Variants in PHB2 observed in about 807,000 individuals in gnomAD.
The protein encoded by PHB2 is prohibitin-2.
Under a neutral mutation model 46.4 loss-of-function variants are expected in PHB2, and 22 were observed. That is an observed-to-expected ratio of 0.47 (90% CI 0.34 to 0.68). PHB2 has a LOEUF of 0.68. Among genes scored for constraint, PHB2 ranks in the 30% least tolerant of loss-of-function variants. PHB2 has a pLI of 0.01. For missense variants in PHB2, 305 were observed against 382.8 expected, an observed-to-expected ratio of 0.80 and a Z score of 1.70; for synonymous variants, 156 against 150.5, an observed-to-expected ratio of 1.04 and a Z score of -0.27.
In PHB2 at chr12:6,967,615, G is replaced by A; in HGVS notation, c.711+61C>T. 1.5e-6 allele frequency: 2 copies of A among 1,328,642 alleles called. No homozygotes were observed. The highest frequency in any genetic ancestry group is 1.2e-5 in the South Asian group (1 of 85,356). 82.3% of individuals were successfully genotyped at this position (1,328,642 alleles called of 1,614,324 possible). On this transcript the variant is annotated intron_variant, in intron 6 of 9. Transcript: ENST00000535923. The surrounding 1 kb of genome is among the most constrained non-coding windows in gnomAD (Gnocchi z 4.9). The stretch of plus-strand genomic sequence containing the variant: ...TTAGTCTCATCAGCCTGCCCATGAA[G>A]GAGAATGGGGAACTCAGGTGCCCTA...
Position 6,967,145 on chromosome 12 carries a change from C to A in PHB2, c.789+26G>T. 1 of 1,541,510 alleles carries A rather than the reference C, an allele frequency of 6.5e-7. No individual in the cohort carries two copies. Among genetic ancestry groups the A allele is most frequent in the South Asian group, 1.2e-5 (1 of 84,496 alleles). On this transcript the variant is annotated intron_variant, in intron 7 of 9. Transcript: ENST00000535923. The surrounding 1 kb of genome is among the most constrained non-coding windows in gnomAD (Gnocchi z 4.9). Reference sequence around the variant, plus strand: ...AAGCACTTTCTCAAGGCAGCCCCATCAGAGACGCTGGGCTGACACACTCAC... The same window carrying A: ...AAGCACTTTCTCAAGGCAGCCCCATAAGAGACGCTGGGCTGACACACTCAC...
In PHB2 at chr12:6,969,517, G is replaced by A. The variant is rs782246503; in HGVS notation, c.273C>T (p.Ser91=). 2 of 1,605,708 alleles carry A rather than the reference G, an allele frequency of 1.2e-6. No homozygotes were observed. Among genetic ancestry groups the A allele is most frequent in the South Asian group, 1.1e-5 (1 of 90,526 alleles). The change falls in exon 3 of 10, where the codon TCC becomes TCT. Residue 91 remains serine, a synonymous_variant. Transcript: ENST00000535923. ...ACCTACCTTTGGAGCCTGTAGGGGA[G>A]GAGATTTTTCGAGGTCTGGCCCGAA... is the stretch of plus-strand genomic sequence containing the variant. ...YDIRARPRKI[S]SPTGSKDLQM... is the part of the protein sequence containing the mutation.
At position 6,970,406 on chromosome 12, in the gene PHB2, A is replaced by T. The variant is rs782261697; in HGVS notation, c.127+11T>A. The T allele has an allele frequency of 6.2e-7, 1 of 1,603,738 alleles. No homozygotes were observed. The highest frequency in any genetic ancestry group is 1.1e-5 in the South Asian group (1 of 91,070). On this transcript the variant is annotated intron_variant, in intron 1 of 9. Transcript: ENST00000535923. ...CTGGAAGCGTCCGGCGAGCAGGCGG[A>T]GGTTGCTCACCGGTGAACACAGATT...
In PHB2 at chr12:6,967,805, C is replaced by T. The variant is rs782205458; in HGVS notation, c.608-26G>A. 1.2e-6 allele frequency: 2 copies of T among 1,611,058 alleles called. No individual in the cohort carries two copies. Among genetic ancestry groups the T allele is most frequent in the Non-Finnish European group, 8.5e-7 (1 of 1,177,888 alleles). On this transcript the variant is annotated intron_variant, in intron 5 of 9. Transcript: ENST00000535923. The surrounding 1 kb of genome is among the most constrained non-coding windows in gnomAD (Gnocchi z 4.9). ...CTGTGGTGGGAGAGAGTCAGGGAGACCCTGTCCTGGGTCAGGAGCCCCACC... is the reference window on the plus strand; with the variant it reads ...CTGTGGTGGGAGAGAGTCAGGGAGATCCTGTCCTGGGTCAGGAGCCCCACC...
intron 1 of PHB2, 68 bp from the exon 2 acceptor site, chr12:6,970,348 C>T: frequency 6.2e-7 from 1 of 1,603,554 alleles, no homozygotes; most frequent in Non-Finnish European, 8.5e-7. Flanking sequence ...CGTGGAGGGG[C>T]GCGGGGACAG....
chr12:6,969,697 C>T (rs782756186), intron 2 of PHB2, 120 bp from the exon 3 acceptor site: 30 of 625,626 alleles, frequency 4.8e-5, no homozygotes, highest in Non-Finnish European at 7.6e-5. Flanking sequence ...GTCAGGAGTT[C>T]GAGACCAGCT....
At position 6,965,811 on chromosome 12, in the gene PHB2, T is replaced by C. The variant is rs1307192863; in HGVS notation, c.873-99A>G. 12 of 1,541,862 alleles carry C rather than the reference T, an allele frequency of 7.8e-6. 1 individual carries two copies. Among genetic ancestry groups the C allele is most frequent in the East Asian group, 6.8e-5 (3 of 44,350 alleles). ...TCCCTCTACGACCCTCCTACCCTGA[T>C]TGAGGGTTTGTCTTCGGGGAGGTGG... On this transcript the variant is annotated intron_variant, in intron 9 of 9. Transcript: ENST00000535923.
Position 6,967,428 on chromosome 12 carries a change from AG to A in PHB2, c.712-181del. 1.4e-6 allele frequency: 2 copies of A among 1,386,752 alleles called. No individual in the cohort carries two copies. 85.9% of individuals were successfully genotyped at this position (1,386,752 alleles called of 1,614,324 possible). A position where few individuals can be genotyped will look rare whatever the true frequency, so the allele number is the denominator to read the frequency against. ...TCCCTGCAGGCTGCTGCCAGGAACT[AG>A]GGGCAGCACCAGAAATGAAGGCAAG... On this transcript the variant is annotated intron_variant, in intron 6 of 9. Transcript: ENST00000535923. This position sits in a 1 kb window ranked among gnomAD's most constrained non-coding sequence, Gnocchi z 4.9.
At chr12:6,970,338 C>T (rs1440048200) in intron 1 of PHB2, 58 bp from the exon 2 acceptor site, 1 of 1,605,028 alleles carries the variant, frequency 6.2e-7, no homozygotes. Context: ...ATGCTAGGCC[C>T]GTGGAGGGGC....
At chr12:6,969,324 C>T (rs782445312) in intron 3 of PHB2, among the ~76,000 whole-genome samples, 174 bp downstream of exon 3, 1 of 152,186 alleles carries the variant, frequency 6.6e-6, no homozygotes, top group South Asian at 2.1e-4. Flanking sequence ...AGCACGCAAA[C>T]ACAGTGTGTT....
At chr12:6,970,745 G>T, upstream of PHB2, 1 of 920,676 alleles carries the variant, frequency 1.1e-6, no homozygotes, top group Non-Finnish European at 1.6e-6. Flanking sequence ...CAGGAATCGC[G>T]CATACGGAAG....
rs782576856 is a variant in PHB2 at position 6,965,639 on chromosome 12, G to A, written c.*46C>T. ...CCTGGCTGGCTCCTCAAAAACTGGA[G>A]AAGCAGATCCACTTCCTCTGGGGGT... On this transcript the variant is annotated 3_prime_UTR_variant, in exon 10 of 10. Coordinates refer to ENST00000535923, the MANE Select transcript of PHB2 (RefSeq NM_001144831.2). 6.7e-5 allele frequency: 106 copies of A among 1,572,802 alleles called. No homozygotes were observed. Among genetic ancestry groups the A allele is most frequent in the Non-Finnish European group, 8.4e-5 (96 of 1,146,520 alleles).
At chr12:6,969,444 C>T (rs1275438099) in intron 3 of PHB2, 54 bp downstream of exon 3, 8 of 978,678 alleles carry the variant, frequency 8.2e-6, no homozygotes, top group Non-Finnish European at 1.1e-5. Context: ...GGGTTTCTTG[C>T]CAGCTACCTT....
rs1201950734 is a variant in PHB2 at position 6,967,197 on chromosome 12, G to C, written c.763C>G (p.Arg255Gly). 2 of 1,597,590 alleles carry C rather than the reference G, an allele frequency of 1.3e-6. No individual in the cohort carries two copies. The highest frequency in any genetic ancestry group is 1.3e-5 in the African/African-American group (1 of 74,580). Residue 255 changes from arginine to glycine, a missense_variant, in exon 7 of 10, where the codon CGA (arginine) becomes GGA (glycine). Around this residue, in one of 3 missense-constraint regions of PHB2, gnomAD observed 241 missense variants for 302.7 expected, o/e 0.80. Transcript: ENST00000535923. This position sits in a 1 kb window ranked among gnomAD's most constrained non-coding sequence, Gnocchi z 4.9. ...NPGYIKLRKIRAAQNISKTIA... is the reference protein window; with the variant it reads ...NPGYIKLRKIGAAQNISKTIA... ...GTCTTGGAGATATTCTGGGCTGCTC[G>C]AATCTTGCGAAGTTTGATGTAGCCA...
At chr12:6,969,052 G>A (rs1474348546) in intron 3 of PHB2, among the ~76,000 whole-genome samples, 1 of 152,178 alleles carries the variant, frequency 6.6e-6, no homozygotes, top group South Asian at 2.1e-4. Flanking sequence ...ATATGTGTGC[G>A]TGGGTGGGGA....
Position 6,965,416 on chromosome 12 carries a change from G to A in PHB2, c.*269C>T. The A allele has an allele frequency of 3.7e-6, 2 of 539,038 alleles. No homozygotes were observed. The highest frequency in any genetic ancestry group is 2.2e-5 in the South Asian group (1 of 45,894). 33.4% of individuals were successfully genotyped at this position (539,038 alleles called of 1,614,324 possible). ...TTGGTGTTTATCTCCTCCCAGCCTT[G>A]AGGGAGGGAACAACACTGTAGGAAA... On this transcript the variant is annotated 3_prime_UTR_variant, in exon 10 of 10. Transcript: ENST00000535923.
In PHB2 at chr12:6,967,642, G is replaced by T. The variant is rs782583750; in HGVS notation, c.711+34C>A. Reference sequence around the variant, plus strand: ...AGAATGGGGAACTCAGGTGCCCTAGGGGCTGGGCTGAGATCTCTCCAGCAG... The same window carrying T: ...AGAATGGGGAACTCAGGTGCCCTAGTGGCTGGGCTGAGATCTCTCCAGCAG... On this transcript the variant is annotated intron_variant, in intron 6 of 9. Transcript: ENST00000535923. This position sits in a 1 kb window ranked among gnomAD's most constrained non-coding sequence, Gnocchi z 4.9. 1.9e-6 allele frequency: 3 copies of T among 1,547,784 alleles called. No individual in the cohort carries two copies. The African/African-American group carries it at 4.1e-5, about 21-fold the overall frequency.
At chr12:6,969,856 G>A (rs1206509011) in intron 2 of PHB2, 12 of 521,726 alleles carry the variant, frequency 2.3e-5, no homozygotes, top group East Asian at 1.1e-4. Context: ...CCGAGATCGC[G>A]CCACTGCACT....
intron 4 of PHB2, 25 bp from the exon 5 acceptor site, chr12:6,968,046 AG>A (rs2138304322): frequency 6.4e-7 from 1 of 1,574,372 alleles, no homozygotes; most frequent in South Asian, 1.1e-5. Flanking sequence ...GAAGAGGGGA[AG>A]GGAGGGGTGG....
Sources: allele counts gnomAD v4.1 joint callset (sites outside exome capture counted in the v4.1 genomes callset), GRCh38; gene constraint gnomAD v4.1.1; regional missense constraint gnomAD v4.1.1; non-coding constraint Gnocchi (gnomAD v3.1); transcripts MANE v1.5; gene names NCBI Gene and HGNC (gene_info 2026-07-23, HGNC 2026-07-21).